The following KCNK2 variants were observed in gnomAD, a reference collection of about 807,000 sequenced individuals.
KCNK2 encodes the protein potassium channel subfamily K member 2.
A neutral mutation model predicts 40.5 loss-of-function variants in KCNK2; 21 were observed. The ratio of observed to expected loss-of-function variants is 0.52; its 90% confidence interval spans 0.37 to 0.75. KCNK2 has a LOEUF of 0.75. KCNK2 is among the 30% of genes least tolerant of loss of function. The pLI, the probability that KCNK2 is intolerant of heterozygous loss-of-function variation, is 0.00. For synonymous variants in KCNK2, 191 were observed against 202.2 expected (o/e 0.94, Z 0.47); for missense variants, 399 against 531.6 (o/e 0.75, Z 2.45).
rs536661503 is a variant in KCNK2, at chr1:215,209,222, T to A, written c.963+14130T>A. On this transcript the variant is annotated intron_variant, in intron 6 of 6. Coordinates refer to ENST00000444842, the MANE Select transcript of KCNK2 (RefSeq NM_001017425.3). ...TATATATAAAATATACACATATTTT[T>A]ATATATAAAATATATATAAATATAC... Among the ~76,000 whole-genome samples, 63 of 131,778 alleles carry A rather than the reference T, an allele frequency of 4.8e-4. No homozygotes were observed. The South Asian group carries it at 0.013, about 28-fold the overall frequency. 86.5% of individuals were successfully genotyped at this position (131,778 alleles called of 152,430 possible).
intron 3 of KCNK2, among the ~76,000 whole-genome samples, chr1:215,139,478 T>A (rs952631709): frequency 6.6e-6 from 1 of 152,198 alleles, no homozygotes; most frequent in Non-Finnish European, 1.5e-5. Flanking sequence ...TTGCAATGGG[T>A]ATTTTTTAAA....
chr1:215,201,336 G>A (rs1433647600), intron 6 of KCNK2, among the ~76,000 whole-genome samples: 1 of 152,148 alleles, frequency 6.6e-6, no homozygotes, highest in East Asian at 1.9e-4. Context: ...TCCCCATTAG[G>A]TTGTGCTCCT....
intron 3 of KCNK2, among the ~76,000 whole-genome samples, chr1:215,165,817 C>T (rs1663418781): frequency 6.6e-6 from 1 of 150,682 alleles, no homozygotes; most frequent in Non-Finnish European, 1.5e-5. Context: ...ACTTAAAACT[C>T]AATGAAGTAT....
intron 5 of KCNK2, among the ~76,000 whole-genome samples, chr1:215,180,335 C>T (rs528252234): frequency 1.3e-5 from 2 of 152,064 alleles, no homozygotes; most frequent in African/African-American, 2.4e-5. Flanking sequence ...GCCTTTTAAG[C>T]GAGGGCATTT....
At chr1:215,093,946 T>C (rs1659866526) in intron 2 of KCNK2, among the ~76,000 whole-genome samples, 1 of 127,138 alleles carries the variant, frequency 7.9e-6, no homozygotes, top group Non-Finnish European at 1.6e-5. Flanking sequence ...TGACAATATA[T>C]ATAATATATA....
At chr1:215,116,619 A>G (rs1451240155) in intron 2 of KCNK2, among the ~76,000 whole-genome samples, 1 of 152,152 alleles carries the variant, frequency 6.6e-6, no homozygotes, top group Non-Finnish European at 1.5e-5. Flanking sequence ...ACTCGATTGC[A>G]TAATCCCCAA....
chr1:215,111,805 A>C (rs1660695848), intron 2 of KCNK2, among the ~76,000 whole-genome samples: 1 of 151,638 alleles, frequency 6.6e-6, no homozygotes. Flanking sequence ...TGTGCCTTGT[A>C]ACTTTTATGA....
At chr1:215,189,223 T>C (rs970304003) in intron 5 of KCNK2, among the ~76,000 whole-genome samples, 2 of 151,386 alleles carry the variant, frequency 1.3e-5, no homozygotes, top group Non-Finnish European at 2.9e-5. Context: ...AAAAAGTTAC[T>C]TAACTTTTAG....
At chr1:215,007,033 A>ATGTGTGTGTGTGTGTG (rs1408452470) in intron 1 of KCNK2, among the ~76,000 whole-genome samples, 1 of 60,324 alleles carries the variant, frequency 1.7e-5, no homozygotes, top group South Asian at 4.0e-4. Context: ...ATATATATAT[A>ATGTGTGTGTGTGTGTG]TATATGTGTG....
At chr1:215,178,499 A>G (rs1447160916) in intron 5 of KCNK2, among the ~76,000 whole-genome samples, 1 of 152,198 alleles carries the variant, frequency 6.6e-6, no homozygotes, top group African/African-American at 2.4e-5. Context: ...TGGGTTTGCC[A>G]TAGATGGCTC....
intron 3 of KCNK2, among the ~76,000 whole-genome samples, chr1:215,155,692 G>C (rs954863217): frequency 6.6e-6 from 1 of 151,954 alleles, no homozygotes; most frequent in Non-Finnish European, 1.5e-5. Flanking sequence ...GCTAATTTTT[G>C]TATTTTTTAG....
intron 1 of KCNK2, among the ~76,000 whole-genome samples, chr1:215,015,640 T>G (rs529794567): frequency 6.6e-5 from 10 of 152,254 alleles, no homozygotes; most frequent in African/African-American, 2.4e-4. Flanking sequence ...CCCATGGAGC[T>G]TCAATTCTTT....
intron 1 of KCNK2, among the ~76,000 whole-genome samples, chr1:215,075,053 C>A (rs540525381): frequency 6.6e-6 from 1 of 152,236 alleles, no homozygotes; most frequent in African/African-American, 2.4e-5. Flanking sequence ...TTAACATATG[C>A]TGTATGTACA....
chr1:215,048,349 G>T (rs531997348), intron 1 of KCNK2, among the ~76,000 whole-genome samples: 2 of 152,262 alleles, frequency 1.3e-5, no homozygotes, highest in Non-Finnish European at 2.9e-5. Context: ...AGTGTGAGTA[G>T]CATTCAGACT....
intron 1 of KCNK2, among the ~76,000 whole-genome samples, chr1:215,007,011 A>ATGTGTG (rs1458691596): frequency 3.5e-4 from 6 of 17,242 alleles, no homozygotes; most frequent in Admixed American, 2.3e-3. Flanking sequence ...ATATATATAT[A>ATGTGTG]TATATATATA....
At chr1:215,139,565 C>T (rs937493644) in intron 3 of KCNK2, among the ~76,000 whole-genome samples, 33 of 152,024 alleles carry the variant, frequency 2.2e-4, no homozygotes, top group African/African-American at 7.7e-4. Context: ...GGGTGGATCA[C>T]CTGAGATCAG....
chr1:215,072,095 G>A (rs1244188490), intron 1 of KCNK2, among the ~76,000 whole-genome samples: 1 of 152,112 alleles, frequency 6.6e-6, no homozygotes, highest in South Asian at 2.1e-4. Flanking sequence ...CTTAGTGCTG[G>A]CCCTGCATGA....
intron 6 of KCNK2, among the ~76,000 whole-genome samples, chr1:215,206,574 C>T (rs1297316091): frequency 6.6e-6 from 1 of 152,118 alleles, no homozygotes. Flanking sequence ...GTTCTGATTA[C>T]ATACAGACTA....
At chr1:215,208,834 CTGTTT>C (rs1378546265) in intron 6 of KCNK2, among the ~76,000 whole-genome samples, 1 of 151,670 alleles carries the variant, frequency 6.6e-6, no homozygotes, top group Non-Finnish European at 1.5e-5. Context: ...GCCTATTCTT[CTGTTT>C]TGTTTTGAGA....
Sources: gnomAD v4.1 joint callset for allele counts (sites outside exome capture counted in the v4.1 genomes callset) on GRCh38, gnomAD v4.1.1 for gene constraint, MANE v1.5 for transcripts, NCBI Gene and HGNC (gene_info 2026-07-23, HGNC 2026-07-21) for gene names.